Variants in MGAT4B observed in about 807,000 individuals in gnomAD.
MGAT4B encodes alpha-1,3-mannosyl-glycoprotein 4-beta-N-acetylglucosaminyltransferase B, also known as N-acetylglucosaminyltransferase IVb.
In MGAT4B, 38 loss-of-function variants were observed where a neutral mutation model predicts 73.9. That is an observed-to-expected ratio of 0.51 (90% CI 0.40 to 0.67). The LOEUF is 0.67. Among genes scored for constraint, MGAT4B ranks in the 30% least tolerant of loss-of-function variants. The pLI, the probability that MGAT4B is intolerant of heterozygous loss-of-function variation, is 0.00. For synonymous variants in MGAT4B, 373 were observed against 313.5 expected, an observed-to-expected ratio of 1.19 and a Z score of -2.01; for missense variants, 686 against 735.2, an observed-to-expected ratio of 0.93 and a Z score of 0.77.
intron 11 of MGAT4B, 145 bp downstream of exon 11, chr5:179,798,783 C>A: frequency 8.9e-7 from 1 of 1,125,640 alleles, no homozygotes; most frequent in East Asian, 2.6e-5. Context: ...GGCTGCCTGA[C>A]TTAGTCCTCA....
Position 179,798,004 on chromosome 5 carries a change from G to T in MGAT4B, c.*41C>A. 1.3e-6 allele frequency: 2 copies of T among 1,593,456 alleles called. No homozygotes were observed. The highest frequency in any genetic ancestry group is 1.7e-6 in the Non-Finnish European group (2 of 1,170,202). ...AGTGACGACACCCCCAGAAATGTGG[G>T]CTTCAGGGCTGGCCACAGGGTACCC... On this transcript the variant is annotated 3_prime_UTR_variant, in exon 15 of 15. Coordinates refer to ENST00000292591, the MANE Select transcript of MGAT4B (RefSeq NM_014275.5).
intron 6 of MGAT4B, 102 bp from the exon 7 acceptor site, chr5:179,800,361 T>TGCAC: frequency 6.8e-7 from 1 of 1,472,302 alleles, no homozygotes; most frequent in Non-Finnish European, 9.5e-7. Flanking sequence ...CCCACCCCCA[T>TGCAC]GCACGGGTCC....
At position 179,801,754 on chromosome 5, in the gene MGAT4B, G is replaced by GC; in HGVS notation, c.283+29dup. The GC allele has an allele frequency of 2.6e-6, 2 of 755,946 alleles. No homozygotes were observed. The highest frequency in any genetic ancestry group is 2.4e-5 in the Admixed American group (1 of 42,484). 46.8% of individuals were successfully genotyped at this position (755,946 alleles called of 1,614,324 possible). A position where few individuals can be genotyped will look rare whatever the true frequency, so the allele number is the denominator to read the frequency against. ...GGGAACCTACAACCAGCCCGCCCCC[G>GC]CCTTTTCCCCCTCCCGCCCCAGACC... On this transcript the variant is annotated intron_variant, in intron 2 of 14. Transcript: ENST00000292591. The surrounding 1 kb of genome is among the most constrained non-coding windows in gnomAD (Gnocchi z 4.8).
Position 179,801,515 on chromosome 5 carries a change from G to A in MGAT4B, c.424+39C>T, listed in dbSNP as rs370214895. 304 of 1,601,938 alleles carry A rather than the reference G, an allele frequency of 1.9e-4. No homozygotes were observed. Among genetic ancestry groups the A allele is most frequent in the Non-Finnish European group, 2.4e-4 (285 of 1,172,454 alleles). On this transcript the variant is annotated intron_variant, in intron 3 of 14. Coordinates refer to ENST00000292591, the MANE Select transcript of MGAT4B (RefSeq NM_014275.5). The surrounding 1 kb of genome is among the most constrained non-coding windows in gnomAD (Gnocchi z 4.8). ...GCTGGAAAGGGTGCGGGGGCCACCC[G>A]TCCCCCCACCCCGTGCTCCTCCCTG...
At chr5:179,805,444 GGCAGGCTCCCC>G (rs1344943280) in intron 1 of MGAT4B, 2 of 152,528 alleles carry the variant, frequency 1.3e-5, no homozygotes, top group Non-Finnish European at 2.9e-5. Flanking sequence ...TCCCGTGTCA[GGCAGGCTCCCC>G]GCAGAGTCCC....
In MGAT4B at chr5:179,799,195, C is replaced by A. The variant is rs747580349; in HGVS notation, c.1149+8G>T. 11 of 1,613,826 alleles carry A rather than the reference C, an allele frequency of 6.8e-6. No homozygotes were observed. The highest frequency in any genetic ancestry group is 9.3e-6 in the Non-Finnish European group (11 of 1,180,004). On this transcript the variant is annotated splice_region_variant and intron_variant, in intron 10 of 14. Transcript: ENST00000292591. The stretch of plus-strand genomic sequence containing the variant: ...CCCGGCCTAGGGAGAGCGTGCAGTG[C>A]AGCCCACCTTCAGTTTCTGGATCTT...
In MGAT4B at chr5:179,800,870, C is replaced by T. The variant is rs777508198; in HGVS notation, c.605+37G>A. On this transcript the variant is annotated intron_variant, in intron 5 of 14. Transcript: ENST00000292591. ...CCAGCACAACACCCCGCACCGAGCT[C>T]TCCCGCCACCAGCTCTCTGGGGTCG... The T allele has an allele frequency of 2.5e-6, 4 of 1,610,154 alleles. No homozygotes were observed. In the African/African-American group the frequency reaches 4.0e-5, roughly 16 times the overall value.
At position 179,799,185 on chromosome 5, in the gene MGAT4B, G is replaced by A. The variant is rs758135903; in HGVS notation, c.1149+18C>T. On this transcript the variant is annotated intron_variant, in intron 10 of 14. Transcript: ENST00000292591. ...CGACCTTGATCCCGGCCTAGGGAGA[G>A]CGTGCAGTGCAGCCCACCTTCAGTT... 5.6e-6 allele frequency: 9 copies of A among 1,613,816 alleles called. No individual in the cohort carries two copies. The highest frequency in any genetic ancestry group is 1.7e-5 in the Admixed American group (1 of 60,008).
chr5:179,801,989 C>A lies in MGAT4B; in HGVS notation c.98-20G>T. 1 of 1,613,434 alleles carries A rather than the reference C, an allele frequency of 6.2e-7. No homozygotes were observed. The highest frequency in any genetic ancestry group is 8.5e-7 in the Non-Finnish European group (1 of 1,180,024). Reference sequence around the variant, plus strand: ...CGTCGCCTGCAGGTGGTAGGCAAGCCGTCACGAGGGGGCGGTCTAGAGCCA... The same window carrying A: ...CGTCGCCTGCAGGTGGTAGGCAAGCAGTCACGAGGGGGCGGTCTAGAGCCA... On this transcript the variant is annotated intron_variant, in intron 1 of 14. Coordinates refer to ENST00000292591, the MANE Select transcript of MGAT4B (RefSeq NM_014275.5). This position sits in a 1 kb window ranked among gnomAD's most constrained non-coding sequence, Gnocchi z 4.8.
At position 179,801,240 on chromosome 5, in the gene MGAT4B, C is replaced by T. The variant is rs560391392; in HGVS notation, c.558+94G>A. 4.9e-5 allele frequency: 72 copies of T among 1,456,956 alleles called. No individual in the cohort carries two copies. The highest frequency in any genetic ancestry group is 2.2e-4 in the Admixed American group (9 of 40,954). 90.3% of individuals were successfully genotyped at this position (1,456,956 alleles called of 1,614,324 possible). A position where few individuals can be genotyped will look rare whatever the true frequency, so the allele number is the denominator to read the frequency against. On this transcript the variant is annotated intron_variant, in intron 4 of 14. Coordinates refer to ENST00000292591, the MANE Select transcript of MGAT4B (RefSeq NM_014275.5). The surrounding 1 kb of genome is among the most constrained non-coding windows in gnomAD (Gnocchi z 4.8). ...CGAATGAAACTAGCAACTGAACTTC[C>T]GACAGCTTTCTCCTCGGAATGGTTC...
At position 179,800,544 on chromosome 5, in the gene MGAT4B, T is replaced by TG; in HGVS notation, c.658dup (p.His220ProfsTer5). 2 of 1,610,732 alleles carry TG rather than the reference T, an allele frequency of 1.2e-6. No individual in the cohort carries two copies. ...GAGGCGGGAGAAGTCAGGGTAGAAGTGGGGGGAGGGTGAGATGACCTCCAG... is the reference window on the plus strand; with the variant it reads ...GAGGCGGGAGAAGTCAGGGTAGAAGTGGGGGGGAGGGTGAGATGACCTCCAG... On this transcript the variant is annotated frameshift_variant, in exon 6 of 15. Coordinates refer to ENST00000292591, the MANE Select transcript of MGAT4B (RefSeq NM_014275.5). LOFTEE classifies it high-confidence loss of function.
chr5:179,801,063 G>A lies in MGAT4B; in HGVS notation c.559-110C>T. On this transcript the variant is annotated intron_variant, in intron 4 of 14. Transcript: ENST00000292591. This position sits in a 1 kb window ranked among gnomAD's most constrained non-coding sequence, Gnocchi z 4.8. ...GATGCCCCCCACGTGGAGGGAGTGA[G>A]CCTGCTGTGCTGAGGGCGGAGTAAG... is the stretch of plus-strand genomic sequence containing the variant. 7.2e-7 allele frequency: 1 copy of A among 1,391,884 alleles called. No homozygotes were observed. Among genetic ancestry groups the A allele is most frequent in the Non-Finnish European group, 1.0e-6 (1 of 998,354 alleles). The allele number at this position is 1,391,884 out of a possible 1,614,324, so 86.2% of individuals were successfully genotyped here.
intron 1 of MGAT4B, chr5:179,802,974 C>T: frequency 1.0e-6 from 1 of 985,490 alleles, no homozygotes; most frequent in Non-Finnish European, 1.2e-6. Flanking sequence ...TTCCTTGATC[C>T]TTGGTGGCTT....
Position 179,798,186 on chromosome 5 carries a change from A to C in MGAT4B, c.1602T>G (p.Pro534=). 1 of 1,596,624 alleles carries C rather than the reference A, an allele frequency of 6.3e-7. No homozygotes were observed. Among genetic ancestry groups the C allele is most frequent in the East Asian group, 2.3e-5 (1 of 44,214 alleles). The stretch of plus-strand genomic sequence containing the variant: ...TCACCTCGCTCAGAATCACCCACAC[A>C]GGGGAGTCCGTCTGGATCGAGAGGC... ...ALRLSIQTDS[P]VWVILSEIFL... Residue 534 remains proline, a synonymous_variant, in exon 14 of 15, where the codon CCT becomes CCG. Transcript: ENST00000292591.
rs1756722996 is a variant in MGAT4B at position 179,797,992 on chromosome 5, C to T, written c.*53G>A. ...TCCGGGGACGGCAGTGACGACACCC[C>T]CAGAAATGTGGGCTTCAGGGCTGGC... On this transcript the variant is annotated 3_prime_UTR_variant, in exon 15 of 15. Transcript: ENST00000292591. 1.9e-6 allele frequency: 3 copies of T among 1,582,958 alleles called. No homozygotes were observed. In the Admixed American group the frequency reaches 5.4e-5, roughly 28 times the overall value.
chr5:179,799,440 C>T, intron 9 of MGAT4B, 66 bp downstream of exon 9: 1 of 1,610,532 alleles, frequency 6.2e-7, no homozygotes, highest in Non-Finnish European at 8.5e-7. Context: ...GACAGGGACA[C>T]AGTTTGGGGT....
Position 179,801,487 on chromosome 5 carries a change from G to C in MGAT4B, c.425-20C>G, listed in dbSNP as rs369626757. 6.2e-7 allele frequency: 1 copy of C among 1,602,438 alleles called. No individual in the cohort carries two copies. The highest frequency in any genetic ancestry group is 8.5e-7 in the Non-Finnish European group (1 of 1,172,244). ...CCGACACTATGGGGGACGGAGGCCC[G>C]ACGCTGGAAAGGGTGCGGGGGCCAC... On this transcript the variant is annotated intron_variant, in intron 3 of 14. Transcript: ENST00000292591. This position sits in a 1 kb window ranked among gnomAD's most constrained non-coding sequence, Gnocchi z 4.8.
Position 179,801,450 on chromosome 5 carries a change from T to G in MGAT4B, c.442A>C (p.Ile148Leu). ...GRTGVSVVMG[I>L]PSVRREVHSY... ...TGCACCTCGCGCCGCACGCTCGGGA[T>G]GCCCATCACCACCGACACTATGGGG... The change falls in exon 4 of 15, where the codon ATC (isoleucine) becomes CTC (leucine). Residue 148 changes from isoleucine (I) to leucine (L), a missense_variant. Physicochemically the swap from Ile to Leu is conservative, Grantham distance 5 (BLOSUM62 2). Coordinates refer to ENST00000292591, the MANE Select transcript of MGAT4B (RefSeq NM_014275.5). The surrounding 1 kb of genome is among the most constrained non-coding windows in gnomAD (Gnocchi z 4.8). The G allele has an allele frequency of 6.2e-7, 1 of 1,607,912 alleles. No homozygotes were observed. Among genetic ancestry groups the G allele is most frequent in the Non-Finnish European group, 8.5e-7 (1 of 1,176,056 alleles).
In MGAT4B at chr5:179,801,838, C is replaced by T. The variant is rs1756957634; in HGVS notation, c.229G>A (p.Glu77Lys). ...VLDEIKRAVS[E>K]RQALRDGDGN... ...TCTCCGTCTCGCAGCGCCTGCCTTT[C>T]TGACACGGCCCTCTTGATCTCGTCC... The change falls in exon 2 of 15, where the codon GAA (glutamate) becomes AAA (lysine). Residue 77 changes from glutamate (E) to lysine (K), a missense_variant. Transcript: ENST00000292591. The surrounding 1 kb of genome is among the most constrained non-coding windows in gnomAD (Gnocchi z 4.8). 6.2e-7 allele frequency: 1 copy of T among 1,606,184 alleles called. No individual in the cohort carries two copies. The highest frequency in any genetic ancestry group is 2.2e-5 in the East Asian group (1 of 44,608).
Sources: allele counts gnomAD v4.1 joint callset, GRCh38; gene constraint gnomAD v4.1.1; non-coding constraint Gnocchi (gnomAD v3.1); transcripts MANE v1.5; gene names NCBI Gene and HGNC (gene_info 2026-07-23, HGNC 2026-07-21).